Variants in DNAAF9 observed in about 807,000 individuals in gnomAD.
The protein encoded by DNAAF9 is dynein axonemal assembly factor 9, also known as shulin.
A neutral mutation model predicts 167.0 loss-of-function variants in DNAAF9; 90 were observed. The ratio of observed to expected loss-of-function variants is 0.54; its 90% confidence interval spans 0.45 to 0.64. The LOEUF is 0.64. Ranked by LOEUF, DNAAF9 falls within the 30% of genes least tolerant of loss-of-function variation. The pLI, the probability that DNAAF9 is intolerant of heterozygous loss-of-function variation, is 0.00. For synonymous variants in DNAAF9, 491 were observed against 508.8 expected (o/e 0.96, Z 0.47); for missense variants, 1,315 against 1,442.2 (o/e 0.91, Z 1.43).
At chr20:3,375,314 T>C (rs1463966690) in intron 4 of DNAAF9, among the ~76,000 whole-genome samples, 188 bp from the exon 5 acceptor site, 1 of 152,178 alleles carries the variant, frequency 6.6e-6, no homozygotes, top group African/African-American at 2.4e-5. Flanking sequence ...CCTTATTTCA[T>C]ATTATACCCA....
intron 33 of DNAAF9, among the ~76,000 whole-genome samples, chr20:3,256,816 G>A (rs570088770): frequency 6.6e-6 from 1 of 152,182 alleles, no homozygotes; most frequent in Admixed American, 6.5e-5. Context: ...TGGTAGAAGT[G>A]GGGGGCTCTC....
chr20:3,264,284 C>A (rs2068445837), intron 31 of DNAAF9, among the ~76,000 whole-genome samples, 154 bp downstream of exon 31: 2 of 152,116 alleles, frequency 1.3e-5, no homozygotes, highest in Non-Finnish European at 2.9e-5. Flanking sequence ...GCAAGGCCAG[C>A]AGCTGCCGGA....
intron 29 of DNAAF9, among the ~76,000 whole-genome samples, chr20:3,275,943 G>C (rs532427809): frequency 6.6e-6 from 1 of 152,330 alleles, no homozygotes; most frequent in African/African-American, 2.4e-5. Flanking sequence ...GCTTTTAAAA[G>C]CAGGCCATGA....
chr20:3,387,933 G>C lies in DNAAF9; in HGVS notation c.84-5427C>G, dbSNP rs556797228. On this transcript the variant is annotated intron_variant, in intron 1 of 36. Coordinates refer to ENST00000252032, the MANE Select transcript of DNAAF9 (RefSeq NM_001009984.3). ...AAAAAAAAATTAGCCGGATGTGGTA[G>C]CATGTGCCTGCGGTCCCACCTACTC... Among the ~76,000 whole-genome samples, 23 of 144,188 alleles carry C rather than the reference G, an allele frequency of 1.6e-4. No individual in the cohort carries two copies. In the East Asian group the frequency reaches 4.5e-3, roughly 28 times the overall value. 94.6% of individuals were successfully genotyped at this position (144,188 alleles called of 152,430 possible).
chr20:3,283,811 G>A (rs1222122622), intron 27 of DNAAF9, among the ~76,000 whole-genome samples: 1 of 152,166 alleles, frequency 6.6e-6, no homozygotes, highest in Non-Finnish European at 1.5e-5. Flanking sequence ...ATTTCTTAGG[G>A]GAGCAAAGGA....
At position 3,295,775 on chromosome 20, in the gene DNAAF9, C is replaced by T. The variant is rs1044486862; in HGVS notation, c.2018+1086G>A. 1.8e-5 allele frequency: 14 copies of T among 769,672 alleles called. No individual in the cohort carries two copies. In the African/African-American group the frequency reaches 2.1e-4, roughly 11 times the overall value. The allele number at this position is 769,672 out of a possible 1,614,324, so 47.7% of individuals were successfully genotyped here. A position where few individuals can be genotyped will look rare whatever the true frequency, so the allele number is the denominator to read the frequency against. On this transcript the variant is annotated intron_variant, in intron 23 of 36. Coordinates refer to ENST00000252032, the MANE Select transcript of DNAAF9 (RefSeq NM_001009984.3). ...TATTCTGGAAGTCCTCCTTGTCCTG[C>T]AAATGATGTTCTGCAGCTTCAATAT...
At chr20:3,314,587 C>G (rs888295990) in intron 20 of DNAAF9, among the ~76,000 whole-genome samples, 2 of 152,202 alleles carry the variant, frequency 1.3e-5, no homozygotes, top group Non-Finnish European at 1.5e-5. Flanking sequence ...CCTAGCCTGG[C>G]TGATGCCTTG....
chr20:3,258,130 T>C (rs542562132), intron 33 of DNAAF9, among the ~76,000 whole-genome samples: 5 of 148,576 alleles, frequency 3.4e-5, no homozygotes, highest in Non-Finnish European at 7.4e-5. Context: ...CCTCCCAAAG[T>C]GCTGGGATTA....
chr20:3,336,252 G>GTTTTT lies in DNAAF9; in HGVS notation c.982-3896_982-3892dup, dbSNP rs1178750984. On this transcript the variant is annotated intron_variant, in intron 10 of 36. Transcript: ENST00000252032. ...TGATTTTGCAGATTCACAGTTTTGC[G>GTTTTT]TTTTTGTTTTTTTTTTTTTTTTTGC... 1.2e-3 allele frequency among the ~76,000 whole-genome samples: 100 copies of GTTTTT among 81,404 alleles called. 7 individuals carry two copies. The highest frequency in any genetic ancestry group is 3.6e-3 in the African/African-American group (71 of 19,638). The allele number at this position is 81,404 out of a possible 152,430, so 53.4% of individuals were successfully genotyped here.
intron 30 of DNAAF9, among the ~76,000 whole-genome samples, chr20:3,268,472 G>C (rs951412052): frequency 1.2e-4 from 18 of 152,030 alleles, no homozygotes; most frequent in African/African-American, 4.3e-4. Context: ...GGGATTATAG[G>C]CATGCGCCAC....
At position 3,352,846 on chromosome 20, in the gene DNAAF9, T is replaced by TTATATATATATA. The variant is rs11471503; in HGVS notation, c.691-4235_691-4224dup. 3.5e-3 allele frequency among the ~76,000 whole-genome samples: 513 copies of TTATATATATATA among 146,704 alleles called. 1 individual carries two copies. Among genetic ancestry groups the TTATATATATATA allele is most frequent in the African/African-American group, 0.011 (437 of 40,306 alleles). ...GTTTAAATCTATGAGTTCAAAATAT[T>TTATATATATATA]TATATATATATATATATGCATAAAT... On this transcript the variant is annotated intron_variant, in intron 7 of 36. Transcript: ENST00000252032.
chr20:3,322,400 G>A, intron 15 of DNAAF9, 138 bp from the exon 16 acceptor site: 1 of 771,678 alleles, frequency 1.3e-6, no homozygotes, highest in Non-Finnish European at 2.3e-6. Flanking sequence ...ACACTGGGTT[G>A]CATGTCTGTA....
At chr20:3,345,014 A>T (rs940110490) in intron 8 of DNAAF9, among the ~76,000 whole-genome samples, 1 of 151,866 alleles carries the variant, frequency 6.6e-6, no homozygotes, top group Non-Finnish European at 1.5e-5. Context: ...TATCAATTGG[A>T]GTGTTTATTT....
intron 12 of DNAAF9, among the ~76,000 whole-genome samples, chr20:3,328,198 T>TTGTTTTGTTTTTTTTTTC (rs1285961430): frequency 2.0e-5 from 2 of 101,238 alleles, no homozygotes; most frequent in African/African-American, 8.1e-5. Context: ...TTTTTTTTTT[T>TTGTTTTGTTTTTTTTTTC]TGAGATGGAG....
chr20:3,266,855 C>CTT lies in DNAAF9; in HGVS notation c.2787-2333_2787-2332dup, dbSNP rs556863917. ...GCTTTGCTATCCTGCCCCCTTCCAC[C>CTT]TTTTTTTTTTTTTTGAGATGGAGTT... On this transcript the variant is annotated intron_variant, in intron 30 of 36. Coordinates refer to ENST00000252032, the MANE Select transcript of DNAAF9 (RefSeq NM_001009984.3). Among the ~76,000 whole-genome samples the CTT allele has an allele frequency of 2.8e-3, 388 of 136,196 alleles. 1 individual carries two copies. Among genetic ancestry groups the CTT allele is most frequent in the African/African-American group, 9.4e-3 (347 of 36,868 alleles). The allele number at this position is 136,196 out of a possible 152,430, so 89.3% of individuals were successfully genotyped here.
chr20:3,336,373 A>AT, intron 10 of DNAAF9, among the ~76,000 whole-genome samples: 1 of 136,592 alleles, frequency 7.3e-6, no homozygotes. Context: ...GAATATTTGG[A>AT]TTTTTTGTGA....
intron 7 of DNAAF9, among the ~76,000 whole-genome samples, chr20:3,352,846 T>TATATATATATA: frequency 6.8e-6 from 1 of 146,718 alleles, no homozygotes; most frequent in African/African-American, 2.5e-5. Context: ...TTCAAAATAT[T>TATATATATATA]TATATATATA....
intron 10 of DNAAF9, among the ~76,000 whole-genome samples, chr20:3,340,224 C>T (rs1036208165): frequency 6.6e-6 from 1 of 152,190 alleles, no homozygotes; most frequent in Non-Finnish European, 1.5e-5. Context: ...CAATATTACT[C>T]TGACAACTTA....
intron 1 of DNAAF9, among the ~76,000 whole-genome samples, chr20:3,390,650 G>A (rs2083814507): frequency 6.6e-6 from 1 of 152,052 alleles, no homozygotes; most frequent in Non-Finnish European, 1.5e-5. Context: ...CAAGTGTGAG[G>A]TGCCACGCCT....
Sources: allele counts gnomAD v4.1 joint callset (sites outside exome capture counted in the v4.1 genomes callset), GRCh38; gene constraint gnomAD v4.1.1; transcripts MANE v1.5; gene names NCBI Gene and HGNC (gene_info 2026-07-23, HGNC 2026-07-21).